The following DOCK5 variants were observed in gnomAD, a reference collection of about 807,000 sequenced individuals.
DOCK5 encodes dedicator of cytokinesis protein 5.
A neutral mutation model predicts 251.8 loss-of-function variants in DOCK5; 142 were observed. The observed-to-expected ratio is 0.56, with a 90% CI of 0.49 to 0.65. The LOEUF (loss-of-function observed/expected upper bound fraction) is 0.65. Among genes scored for constraint, DOCK5 ranks in the 30% least tolerant of loss-of-function variants. DOCK5 has a pLI of 0.00. For missense variants in DOCK5, 2,111 were observed against 2,312.3 expected (o/e 0.91, Z 1.79); for synonymous variants, 842 against 835.5 (o/e 1.01, Z -0.13).
chr8:25,358,101 A>T (rs1472034928), intron 27 of DOCK5, among the ~76,000 whole-genome samples: 1 of 152,128 alleles, frequency 6.6e-6, no homozygotes, highest in African/African-American at 2.4e-5. Context: ...ATCAGGTTGT[A>T]TTAGTCCGTT....
intron 7 of DOCK5, among the ~76,000 whole-genome samples, chr8:25,297,274 T>G (rs1407317368): frequency 6.6e-6 from 1 of 151,290 alleles, no homozygotes; most frequent in Non-Finnish European, 1.5e-5. Context: ...TTTGTAATTT[T>G]TTTTTTTTTT....
intron 18 of DOCK5, among the ~76,000 whole-genome samples, chr8:25,329,672 C>G (rs1805638469): frequency 1.3e-5 from 2 of 152,078 alleles, no homozygotes; most frequent in South Asian, 4.2e-4. Context: ...TTTTCTATCC[C>G]AGAGAAGCTG....
chr8:25,281,434 C>T (rs1211441526), intron 5 of DOCK5, among the ~76,000 whole-genome samples: 44 of 54,850 alleles, frequency 8.0e-4, no homozygotes, highest in African/African-American at 1.4e-3. Context: ...AGTGAAACTC[C>T]GTCTCAAAAA....
intron 10 of DOCK5, among the ~76,000 whole-genome samples, 165 bp from the exon 11 acceptor site, chr8:25,304,090 C>T (rs934651609): frequency 2.0e-5 from 3 of 152,148 alleles, no homozygotes; most frequent in Non-Finnish European, 4.4e-5. Context: ...TTTTGCTGGG[C>T]TAGGTACACT....
chr8:25,363,179 G>C (rs1171488529), intron 29 of DOCK5, 38 bp downstream of exon 29: 1 of 1,528,968 alleles, frequency 6.5e-7, no homozygotes, highest in East Asian at 2.2e-5. Context: ...GCATTTGTCT[G>C]AATACCTAAG....
intron 11 of DOCK5, among the ~76,000 whole-genome samples, chr8:25,305,857 A>G (rs62503203): frequency 0.064 from 9,686 of 152,278 alleles, 419 homozygotes; most frequent in Non-Finnish European, 0.1. Context: ...TCCATGATTA[A>G]CAGTGATTAT....
intron 7 of DOCK5, among the ~76,000 whole-genome samples, chr8:25,298,360 A>C (rs1804671538): frequency 6.6e-6 from 1 of 152,158 alleles, no homozygotes; most frequent in Admixed American, 6.5e-5. Context: ...TTTGAGCTTC[A>C]TTCAGAAGCT....
intron 30 of DOCK5, among the ~76,000 whole-genome samples, chr8:25,365,562 C>T (rs1405993823): frequency 6.6e-6 from 1 of 152,174 alleles, no homozygotes; most frequent in Non-Finnish European, 1.5e-5. Context: ...AATTTTCTGG[C>T]GTTTAAATAC....
intron 2 of DOCK5, among the ~76,000 whole-genome samples, chr8:25,260,908 A>G (rs1161496255): frequency 6.6e-6 from 1 of 151,654 alleles, no homozygotes; most frequent in African/African-American, 2.4e-5. Flanking sequence ...AGATCCTCTG[A>G]CCTTGGCTTC....
At chr8:25,308,185 G>A (rs1012446789) in intron 11 of DOCK5, among the ~76,000 whole-genome samples, 5 of 152,056 alleles carry the variant, frequency 3.3e-5, no homozygotes, top group East Asian at 1.9e-4. Context: ...TTTACAAGCC[G>A]CAGCCTGATA....
At chr8:25,403,781 G>A in intron 48 of DOCK5, 57 bp downstream of exon 48, 2 of 1,574,836 alleles carry the variant, frequency 1.3e-6, no homozygotes, top group Non-Finnish European at 1.7e-6. Context: ...ACTAATGTTT[G>A]CCTTTAGCCA....
intron 1 of DOCK5, among the ~76,000 whole-genome samples, chr8:25,231,827 G>A (rs1802676380): frequency 6.6e-6 from 1 of 152,012 alleles, no homozygotes; most frequent in South Asian, 2.1e-4. Flanking sequence ...TGTGTATGAT[G>A]GATTTTTTTT....
At chr8:25,326,614 A>G (rs1000826769) in intron 18 of DOCK5, among the ~76,000 whole-genome samples, 6 of 152,362 alleles carry the variant, frequency 3.9e-5, no homozygotes, top group Middle Eastern at 3.4e-3. Context: ...TCCATTAACA[A>G]TGAACTGCTG....
chr8:25,313,657 T>G (rs890073304), intron 13 of DOCK5, among the ~76,000 whole-genome samples: 19 of 152,152 alleles, frequency 1.2e-4, no homozygotes, highest in Non-Finnish European at 1.0e-4. Flanking sequence ...GACTGGAAAT[T>G]CAACACCAAG....
chr8:25,299,885 T>C (rs1804716480), intron 8 of DOCK5, among the ~76,000 whole-genome samples: 1 of 152,208 alleles, frequency 6.6e-6, no homozygotes, highest in Non-Finnish European at 1.5e-5. Flanking sequence ...TCAATGTGGA[T>C]TACAGGGGAT....
chr8:25,405,560 A>T (rs1801509000), intron 48 of DOCK5, among the ~76,000 whole-genome samples: 1 of 152,078 alleles, frequency 6.6e-6, no homozygotes, highest in South Asian at 2.1e-4. Context: ...CTTAATTATT[A>T]TAGATATAAA....
chr8:25,388,798 T>C (rs1303740385), intron 40 of DOCK5: 1 of 287,250 alleles, frequency 3.5e-6, no homozygotes, highest in Non-Finnish European at 6.6e-6. Context: ...AAGTTCCGTA[T>C]TTCCTTGCAG....
At chr8:25,218,214 T>C (rs1310081098) in intron 1 of DOCK5, among the ~76,000 whole-genome samples, 3 of 152,130 alleles carry the variant, frequency 2.0e-5, no homozygotes, top group Admixed American at 6.6e-5. Context: ...CTTTTTAAGA[T>C]TTTTTCAGAA....
intron 6 of DOCK5, among the ~76,000 whole-genome samples, chr8:25,293,490 G>C (rs1345953998): frequency 6.6e-6 from 1 of 152,110 alleles, no homozygotes; most frequent in Non-Finnish European, 1.5e-5. Flanking sequence ...ACATCTTATG[G>C]ATAAAGAAAC....
Sources: gnomAD v4.1 joint callset for allele counts (sites outside exome capture counted in the v4.1 genomes callset) on GRCh38, gnomAD v4.1.1 for gene constraint, MANE v1.5 for transcripts, NCBI Gene and HGNC (gene_info 2026-07-23, HGNC 2026-07-21) for gene names.